The following PVT1 variants were observed in gnomAD, a reference collection of about 807,000 sequenced individuals.
PVT1 encodes the protein CXCR4/PVT1 fusion.
At chr8:127,942,330 C>T (rs1286181368) in intron 3 of PVT1, among the ~76,000 whole-genome samples, 1 of 152,210 alleles carries the variant, frequency 6.6e-6, no homozygotes, top group Non-Finnish European at 1.5e-5. Flanking sequence ...AACCCAGGTT[C>T]ATCTGCCTGT....
intron 2 of PVT1, among the ~76,000 whole-genome samples, chr8:127,819,354 A>G (rs1814704300): frequency 6.6e-6 from 1 of 152,150 alleles, no homozygotes; most frequent in African/African-American, 2.4e-5. Flanking sequence ...TCTGACTGTC[A>G]CCAGGCTTTG....
At chr8:127,886,065 C>G (rs182576280) in intron 2 of PVT1, among the ~76,000 whole-genome samples, 6 of 152,068 alleles carry the variant, frequency 3.9e-5, no homozygotes, top group African/African-American at 1.4e-4. Flanking sequence ...CCATTGCACT[C>G]CAGCCTGGGC....
intron 3 of PVT1, among the ~76,000 whole-genome samples, chr8:127,906,243 T>C (rs1178047742): frequency 6.6e-6 from 1 of 152,194 alleles, no homozygotes; most frequent in Non-Finnish European, 1.5e-5. Context: ...TTGTCCTTGC[T>C]GATAACCTAA....
At chr8:128,019,313 G>C (rs761201090) in intron 4 of PVT1, among the ~76,000 whole-genome samples, 1 of 152,112 alleles carries the variant, frequency 6.6e-6, no homozygotes, top group African/African-American at 2.4e-5. Flanking sequence ...ATATAAAGAC[G>C]GGAAAGTAAC....
chr8:127,993,564 C>T (rs1271986535), intron 4 of PVT1, among the ~76,000 whole-genome samples: 2 of 152,236 alleles, frequency 1.3e-5, no homozygotes, highest in African/African-American at 2.4e-5. Context: ...CAGCTCTTCT[C>T]CCCTGGATTG....
At chr8:127,831,016 T>C (rs4733577) in intron 2 of PVT1, among the ~76,000 whole-genome samples, 97,390 of 151,488 alleles carry the variant, frequency 0.64, 31,710 homozygotes, top group African/African-American at 0.72. Flanking sequence ...TAAGTTAATA[T>C]TTAATAAACT....
At chr8:127,846,796 C>T (rs570275728) in intron 2 of PVT1, among the ~76,000 whole-genome samples, 1 of 151,520 alleles carries the variant, frequency 6.6e-6, no homozygotes, top group South Asian at 2.1e-4. Flanking sequence ...CTCACCCTCC[C>T]AAGTAGCTGG....
chr8:127,999,747 T>A (rs969567988), intron 4 of PVT1, among the ~76,000 whole-genome samples: 4 of 152,148 alleles, frequency 2.6e-5, no homozygotes, highest in Non-Finnish European at 5.9e-5. Context: ...CAGGCGTGAG[T>A]CACCACGCCC....
At chr8:128,006,876 C>T (rs1168028988) in intron 4 of PVT1, among the ~76,000 whole-genome samples, 1 of 152,144 alleles carries the variant, frequency 6.6e-6, no homozygotes, top group Non-Finnish European at 1.5e-5. Context: ...TGCCATTTTA[C>T]TGTTGTTTTT....
intron 4 of PVT1, among the ~76,000 whole-genome samples, chr8:128,018,119 A>C (rs551796715): frequency 1.3e-5 from 2 of 152,348 alleles, no homozygotes; most frequent in South Asian, 4.1e-4. Context: ...AAGGCCCTCC[A>C]GCACGTGCAC....
intron 4 of PVT1, among the ~76,000 whole-genome samples, chr8:128,000,510 C>G (rs1042281487): frequency 3.3e-5 from 5 of 152,130 alleles, no homozygotes; most frequent in African/African-American, 1.2e-4. Context: ...TGTGTAGGCC[C>G]AGTATAAAGG....
intron 3 of PVT1, among the ~76,000 whole-genome samples, chr8:127,970,146 G>A (rs995823210): frequency 2.6e-5 from 4 of 152,020 alleles, no homozygotes; most frequent in Non-Finnish European, 5.9e-5. Flanking sequence ...GTGCATCCAG[G>A]CATGTGGCTT....
At chr8:127,912,439 G>C (rs1421829493) in intron 3 of PVT1, among the ~76,000 whole-genome samples, 4 of 152,170 alleles carry the variant, frequency 2.6e-5, no homozygotes, top group African/African-American at 9.7e-5. Context: ...GGCTAAGGGG[G>C]GATTGGAACC....
intron 4 of PVT1, among the ~76,000 whole-genome samples, chr8:128,060,974 A>C (rs1305384810): frequency 1.5e-5 from 2 of 132,748 alleles, no homozygotes; most frequent in Non-Finnish European, 3.0e-5. Flanking sequence ...CAGTGGCGTG[A>C]TCTCGGCTCA....
At position 127,898,226 on chromosome 8, in the gene PVT1, AAAG is replaced by A. The variant is rs1163103591; in HGVS notation, n.782+7231_782+7233del. ...AGAAAGAAGAGAAAAGAAAGAAAAG[AAAG>A]AAAGAAAGAAAGAAACGAAGGAAGG... is the stretch of plus-strand genomic sequence containing the variant. On this transcript the variant is annotated intron_variant and non_coding_transcript_variant, in intron 3 of 10. Transcript: ENST00000651587. This position sits in a 1 kb window ranked among gnomAD's most constrained non-coding sequence, Gnocchi z 4.4. Among the ~76,000 whole-genome samples, 4 of 138,760 alleles carry A rather than the reference AAAG, an allele frequency of 2.9e-5. No homozygotes were observed. The highest frequency in any genetic ancestry group is 4.5e-5 in the Non-Finnish European group (3 of 66,372). 91.0% of individuals were successfully genotyped at this position (138,760 alleles called of 152,430 possible).
intron 5 of PVT1, among the ~76,000 whole-genome samples, chr8:128,079,051 A>ATTTT (rs934169585): frequency 1.0e-4 from 13 of 125,666 alleles, no homozygotes; most frequent in South Asian, 5.0e-4. Context: ...GTGATTTCCA[A>ATTTT]TTTTTTTTTC....
At chr8:127,883,028 C>T (rs1285838559) in intron 2 of PVT1, among the ~76,000 whole-genome samples, 1 of 150,634 alleles carries the variant, frequency 6.6e-6, no homozygotes, top group African/African-American at 2.5e-5. Flanking sequence ...TGCCTGCACA[C>T]ACACACTTGC....
At chr8:128,029,127 C>T (rs1464845777) in intron 4 of PVT1, among the ~76,000 whole-genome samples, 1 of 151,842 alleles carries the variant, frequency 6.6e-6, no homozygotes, top group Non-Finnish European at 1.5e-5. Flanking sequence ...ACTACAGCAC[C>T]ACCACCATGG....
At chr8:127,953,149 A>G (rs1450133501) in intron 3 of PVT1, among the ~76,000 whole-genome samples, 2 of 152,194 alleles carry the variant, frequency 1.3e-5, no homozygotes, top group African/African-American at 4.8e-5. Context: ...CCTGTCTGGA[A>G]TTTGGCTCTG....
Sources: gnomAD v4.1 joint callset for allele counts (sites outside exome capture counted in the v4.1 genomes callset) on GRCh38, gnomAD v4.1.1 for gene constraint, Gnocchi (gnomAD v3.1) non-coding constraint, MANE v1.5 for transcripts, NCBI Gene and HGNC (gene_info 2026-07-23, HGNC 2026-07-21) for gene names.